Variants in CPED1 observed in about 807,000 individuals in gnomAD.
The protein encoded by CPED1 is cadherin-like and PC-esterase domain-containing protein 1.
Under a neutral mutation model 128.2 loss-of-function variants are expected in CPED1, and 114 were observed. The observed-to-expected ratio is 0.89, with a 90% confidence interval of 0.76 to 1.04. The LOEUF (loss-of-function observed/expected upper bound fraction) is 1.04. CPED1 is among the 50% of genes least tolerant of loss of function. The probability of loss-of-function intolerance (pLI) is 0.00; values close to 1 mark genes in which losing one functional copy is unlikely to be tolerated. For synonymous variants in CPED1, 462 were observed against 426.7 expected (o/e 1.08, Z -1.02); for missense variants, 1,211 against 1,207.1 (o/e 1.00, Z -0.05).
At chr7:121,271,582 G>A (rs1259766098) in intron 22 of CPED1, 152 bp downstream of exon 22, 3 of 763,410 alleles carry the variant, frequency 3.9e-6, no homozygotes, top group South Asian at 4.1e-5. Flanking sequence ...ATTCAGCCAA[G>A]GCATGTAGTA....
intron 12 of CPED1, among the ~76,000 whole-genome samples, chr7:121,131,233 A>T (rs1372526484): frequency 6.6e-6 from 1 of 152,150 alleles, no homozygotes; most frequent in African/African-American, 2.4e-5. Flanking sequence ...CATATATTTG[A>T]AGAATTCTTA....
chr7:121,103,362 AT>A (rs1345282998), intron 7 of CPED1, among the ~76,000 whole-genome samples: 5 of 152,176 alleles, frequency 3.3e-5, no homozygotes, highest in Non-Finnish European at 7.4e-5. Context: ...GGAGAAAGTG[AT>A]TGTTTCCTTA....
chr7:121,236,279 C>T (rs1798252825), intron 16 of CPED1, among the ~76,000 whole-genome samples: 1 of 152,112 alleles, frequency 6.6e-6, no homozygotes, highest in Non-Finnish European at 1.5e-5. Context: ...ATACATGCAT[C>T]TGATTCCACT....
chr7:121,007,591 C>T (rs1297545533), intron 2 of CPED1, among the ~76,000 whole-genome samples: 1 of 152,004 alleles, frequency 6.6e-6, no homozygotes, highest in Non-Finnish European at 1.5e-5. Flanking sequence ...TCAGGGTCTG[C>T]CCTGCTATTC....
chr7:121,148,516 AT>A (rs1796078493), intron 16 of CPED1, among the ~76,000 whole-genome samples: 1 of 152,214 alleles, frequency 6.6e-6, no homozygotes, highest in Non-Finnish European at 1.5e-5. Context: ...AACCCTTTCT[AT>A]GAAATAGATC....
intron 16 of CPED1, among the ~76,000 whole-genome samples, chr7:121,187,834 G>A (rs1797038930): frequency 6.6e-6 from 1 of 152,056 alleles, no homozygotes; most frequent in African/African-American, 2.4e-5. Context: ...TTTACAATGT[G>A]GCCATAAAGT....
intron 11 of CPED1, 66 bp from the exon 12 acceptor site, chr7:121,130,059 C>A: frequency 1.7e-6 from 2 of 1,208,928 alleles, no homozygotes; most frequent in African/African-American, 1.5e-5. Context: ...AAGTATAAGG[C>A]TGTTCATAGT....
At chr7:121,248,521 A>G (rs192655241) in intron 18 of CPED1, among the ~76,000 whole-genome samples, 1 of 149,680 alleles carries the variant, frequency 6.7e-6, no homozygotes. Flanking sequence ...TTACTTTTAT[A>G]TGCCATCTAC....
At chr7:121,022,035 C>T (rs562146415) in intron 3 of CPED1, among the ~76,000 whole-genome samples, 84 of 151,886 alleles carry the variant, frequency 5.5e-4, no homozygotes, top group South Asian at 8.3e-4. Flanking sequence ...CTGGATTATT[C>T]CCTTGGAAAA....
At chr7:121,137,867 A>G (rs1331437473) in intron 14 of CPED1, among the ~76,000 whole-genome samples, 1 of 152,092 alleles carries the variant, frequency 6.6e-6, no homozygotes, top group African/African-American at 2.4e-5. Context: ...TGCCAGGCCC[A>G]AGGCAAGATG....
intron 4 of CPED1, chr7:121,050,761 G>A (rs1793328781): frequency 2.2e-6 from 1 of 454,156 alleles, no homozygotes; most frequent in Non-Finnish European, 4.4e-6. Context: ...ACCGTGCCCG[G>A]CCACAGGTTG....
chr7:121,189,282 CTA>C (rs1797073082), intron 16 of CPED1, among the ~76,000 whole-genome samples: 1 of 151,944 alleles, frequency 6.6e-6, no homozygotes, highest in African/African-American at 2.4e-5. Context: ...ACTGGGTAAT[CTA>C]TGAAAAAAAG....
intron 16 of CPED1, among the ~76,000 whole-genome samples, chr7:121,157,845 G>A (rs1796325331): frequency 1.3e-5 from 2 of 152,100 alleles, no homozygotes; most frequent in African/African-American, 4.8e-5. Flanking sequence ...AATGAATGCA[G>A]GATTGCCAGT....
chr7:121,027,873 T>C (rs531004469), intron 3 of CPED1, among the ~76,000 whole-genome samples: 1 of 152,072 alleles, frequency 6.6e-6, no homozygotes, highest in African/African-American at 2.4e-5. Flanking sequence ...TGGGGAACTC[T>C]TGGAATTTAA....
chr7:121,205,251 G>A (rs1797492726), intron 16 of CPED1, among the ~76,000 whole-genome samples: 1 of 151,918 alleles, frequency 6.6e-6, no homozygotes, highest in Non-Finnish European at 1.5e-5. Flanking sequence ...ATCAGAACTG[G>A]AAAAATTAAA....
Position 121,140,741 on chromosome 7 carries a change from GAAA to G in CPED1, c.1700-83_1700-81del. The G allele has an allele frequency of 5.0e-6, 4 of 794,996 alleles. No homozygotes were observed. The South Asian group carries it at 8.5e-5, about 17-fold the overall frequency. The allele number at this position is 794,996 out of a possible 1,614,324, so 49.2% of individuals were successfully genotyped here. A position where few individuals can be genotyped will look rare whatever the true frequency, so the allele number is the denominator to read the frequency against. On this transcript the variant is annotated intron_variant, in intron 14 of 22. Coordinates refer to ENST00000310396, the MANE Select transcript of CPED1 (RefSeq NM_024913.5). ...TCATTGAAGTTGTTCAAAGGAAACAGAAAAAGAAAAACCTAATCATATATTATT... is the reference window on the plus strand; with the variant it reads ...TCATTGAAGTTGTTCAAAGGAAACAGAAGAAAAACCTAATCATATATTATT...
chr7:121,218,054 G>A (rs1206965328), intron 16 of CPED1, among the ~76,000 whole-genome samples: 6 of 150,262 alleles, frequency 4.0e-5, no homozygotes, highest in East Asian at 2.0e-4. Context: ...GCACAATCTC[G>A]ACTCACTGCA....
chr7:121,244,243 A>T lies in CPED1; in HGVS notation c.2215A>T (p.Thr739Ser), dbSNP rs754140887. 2 of 1,614,146 alleles carry T rather than the reference A, an allele frequency of 1.2e-6. No individual in the cohort carries two copies. The highest frequency in any genetic ancestry group is 1.7e-6 in the Non-Finnish European group (2 of 1,179,992). ...VPCLSCSDNR[T>S]CDWREITWQP... is the part of the protein sequence containing the mutation. ...TTGCCTTAGTTGTTCGGACAACAGG[A>T]CGTGTGACTGGAGAGAAATAACCTG... Residue 739 changes from threonine to serine, a missense_variant, in exon 18 of 23, where the codon ACG (threonine) becomes TCG (serine). Coordinates refer to ENST00000310396, the MANE Select transcript of CPED1 (RefSeq NM_024913.5).
intron 16 of CPED1, among the ~76,000 whole-genome samples, chr7:121,210,301 C>A (rs1208468529): frequency 6.6e-6 from 1 of 152,008 alleles, no homozygotes; most frequent in Non-Finnish European, 1.5e-5. Context: ...AGCAATCTCA[C>A]TGCTGAGTAT....
Sources: allele counts gnomAD v4.1 joint callset (sites outside exome capture counted in the v4.1 genomes callset), GRCh38; gene constraint gnomAD v4.1.1; transcripts MANE v1.5; gene names NCBI Gene and HGNC (gene_info 2026-07-23, HGNC 2026-07-21).